FHOD3: variants seen among roughly 807,000 people sequenced by gnomAD.
FHOD3 encodes the protein formin homology 2 domain containing 3.
FHOD3 carries 90 observed loss-of-function variants against 173.0 expected under a neutral mutation model. That is an observed-to-expected ratio of 0.52 (90% CI 0.44 to 0.62). The LOEUF (loss-of-function observed/expected upper bound fraction) is 0.62. Among genes scored for constraint, FHOD3 ranks in the 20% least tolerant of loss-of-function variants. The pLI is 0.00. For synonymous variants in FHOD3, 828 were observed against 823.0 expected, an observed-to-expected ratio of 1.01 and a Z score of -0.10; for missense variants, 1,945 against 2,034.7, an observed-to-expected ratio of 0.96 and a Z score of 0.85.
chr18:36,561,654 T>G (rs1029251675), intron 5 of FHOD3, among the ~76,000 whole-genome samples: 3 of 152,350 alleles, frequency 2.0e-5, no homozygotes, highest in African/African-American at 7.2e-5. Flanking sequence ...TCACTATTTA[T>G]TTCTAAAATG....
intron 9 of FHOD3, among the ~76,000 whole-genome samples, chr18:36,617,258 C>T (rs547457555): frequency 1.3e-5 from 2 of 152,326 alleles, no homozygotes; most frequent in African/African-American, 4.8e-5. Context: ...AAACATCTTT[C>T]TTGTAAGATG....
At chr18:36,354,044 G>T (rs2046250451) in intron 1 of FHOD3, among the ~76,000 whole-genome samples, 1 of 152,202 alleles carries the variant, frequency 6.6e-6, no homozygotes, top group Non-Finnish European at 1.5e-5. Flanking sequence ...CCCACATTCT[G>T]CTGATCAATA....
intron 5 of FHOD3, among the ~76,000 whole-genome samples, chr18:36,527,243 G>A (rs12969915): frequency 0.14 from 21,735 of 152,156 alleles, 2,095 homozygotes; most frequent in East Asian, 0.46. Flanking sequence ...AAAGCCGAGG[G>A]AGAGAAGCAC....
intron 3 of FHOD3, among the ~76,000 whole-genome samples, chr18:36,390,804 TGAAGGG>T (rs934470816): frequency 9.2e-5 from 14 of 152,228 alleles, no homozygotes; most frequent in Admixed American, 4.6e-4. Context: ...TCCACTCCCT[TGAAGGG>T]GAAGTAGGAA....
Position 36,380,563 on chromosome 18 carries a change from T to G in FHOD3, c.337+7819T>G, listed in dbSNP as rs1056310713. ...TCTCTCTTTCTTTTGTTTTCTTTTC[T>G]TTTCTTTTCTTTTCTTTTCCTTTCC... On this transcript the variant is annotated intron_variant, in intron 3 of 28. Coordinates refer to ENST00000590592, the MANE Select transcript of FHOD3 (RefSeq NM_001281740.3). Among the ~76,000 whole-genome samples, 7 of 86,744 alleles carry G rather than the reference T, an allele frequency of 8.1e-5. No homozygotes were observed. The Admixed American group carries it at 9.7e-4, about 12-fold the overall frequency. 56.9% of individuals were successfully genotyped at this position (86,744 alleles called of 152,430 possible). A position where few individuals can be genotyped will look rare whatever the true frequency, so the allele number is the denominator to read the frequency against.
chr18:36,669,453 A>T (rs1326820567), intron 14 of FHOD3, among the ~76,000 whole-genome samples: 1 of 151,544 alleles, frequency 6.6e-6, no homozygotes. Flanking sequence ...TTGAGTTTAT[A>T]TTTTTTATTT....
chr18:36,525,307 T>C (rs898541905), intron 5 of FHOD3, among the ~76,000 whole-genome samples: 1 of 152,162 alleles, frequency 6.6e-6, no homozygotes, highest in Non-Finnish European at 1.5e-5. Context: ...TCTGCTGACC[T>C]TGAAGAAGCA....
At chr18:36,653,061 GCATAAACT>G in intron 12 of FHOD3, 132 bp downstream of exon 12, 1 of 1,268,622 alleles carries the variant, frequency 7.9e-7, no homozygotes, top group Non-Finnish European at 1.1e-6. Context: ...AGCAGTTGTG[GCATAAACT>G]TAAGTTGCTG....
intron 14 of FHOD3, among the ~76,000 whole-genome samples, chr18:36,662,114 C>T (rs1480133416): frequency 6.6e-6 from 1 of 152,226 alleles, no homozygotes; most frequent in Non-Finnish European, 1.5e-5. Flanking sequence ...CAAACAACCA[C>T]ACCTCAAGCG....
chr18:36,574,213 A>G (rs8087852), intron 5 of FHOD3, among the ~76,000 whole-genome samples: 49,473 of 152,102 alleles, frequency 0.33, 8,324 homozygotes, highest in South Asian at 0.4. Flanking sequence ...GGTTTCTACC[A>G]GTTTGCCCTA....
chr18:36,639,088 A>C (rs1286437374), intron 10 of FHOD3, among the ~76,000 whole-genome samples: 1 of 152,166 alleles, frequency 6.6e-6, no homozygotes, highest in Non-Finnish European at 1.5e-5. Flanking sequence ...AAAGACCCTG[A>C]GCAGGGCTGT....
intron 2 of FHOD3, among the ~76,000 whole-genome samples, chr18:36,356,766 G>A (rs2046380921): frequency 6.6e-6 from 1 of 152,046 alleles, no homozygotes; most frequent in Non-Finnish European, 1.5e-5. Flanking sequence ...CTCCCGAGTA[G>A]CTGGGACTAC....
chr18:36,487,923 C>A (rs930250688), intron 3 of FHOD3, among the ~76,000 whole-genome samples: 1 of 152,136 alleles, frequency 6.6e-6, no homozygotes, highest in African/African-American at 2.4e-5. Context: ...AAACCTTAGG[C>A]TAGGTGTGAA....
intron 4 of FHOD3, among the ~76,000 whole-genome samples, chr18:36,511,364 TTTTTC>T (rs1237422719): frequency 6.6e-6 from 1 of 151,650 alleles, no homozygotes; most frequent in Admixed American, 6.6e-5. Flanking sequence ...AATGTTTTTT[TTTTTC>T]TTTTCTTTTC....
rs1172281664 is a variant in FHOD3, at chr18:36,526,288, C to T, written c.511+13745C>T. ...AAATCCTGAAATCATTCTTTTTTTCCCCCCTCAATTTTGTTTGCATCAGCA... is the reference window on the plus strand; with the variant it reads ...AAATCCTGAAATCATTCTTTTTTTCTCCCCTCAATTTTGTTTGCATCAGCA... On this transcript the variant is annotated intron_variant, in intron 5 of 28. Coordinates refer to ENST00000590592, the MANE Select transcript of FHOD3 (RefSeq NM_001281740.3). Among the ~76,000 whole-genome samples the T allele has an allele frequency of 2.0e-5, 3 of 152,052 alleles. No individual in the cohort carries two copies. In the East Asian group the frequency reaches 5.8e-4, roughly 29 times the overall value.
At chr18:36,612,185 G>A (rs551730218) in intron 9 of FHOD3, 90 bp downstream of exon 9, 35 of 1,366,858 alleles carry the variant, frequency 2.6e-5, no homozygotes, top group South Asian at 5.6e-5. Flanking sequence ...CGCGTAAAGC[G>A]TATGAGCACC....
chr18:36,632,183 G>A (rs997424916), intron 10 of FHOD3, among the ~76,000 whole-genome samples: 5 of 152,134 alleles, frequency 3.3e-5, no homozygotes, highest in South Asian at 2.1e-4. Context: ...TTTACTCTCC[G>A]TCAGCATATG....
chr18:36,399,752 A>G (rs898981502), intron 3 of FHOD3, among the ~76,000 whole-genome samples: 2 of 152,214 alleles, frequency 1.3e-5, no homozygotes, highest in Non-Finnish European at 1.5e-5. Flanking sequence ...AGAACATTAT[A>G]GAGAGCTATT....
chr18:36,661,841 C>T (rs1019505661), intron 14 of FHOD3, among the ~76,000 whole-genome samples: 2 of 152,144 alleles, frequency 1.3e-5, no homozygotes, highest in South Asian at 2.1e-4. Flanking sequence ...TAATAGGGCT[C>T]TCTTTTAGAA....
Sources: gnomAD v4.1 joint callset for allele counts (sites outside exome capture counted in the v4.1 genomes callset) on GRCh38, gnomAD v4.1.1 for gene constraint, MANE v1.5 for transcripts, NCBI Gene and HGNC (gene_info 2026-07-23, HGNC 2026-07-21) for gene names.